WDTC1: variants seen among roughly 807,000 people sequenced by gnomAD.
WDTC1 encodes WD and tetratricopeptide repeats protein 1.
WDTC1 carries 12 observed loss-of-function variants against 76.0 expected under a neutral mutation model. That is an observed-to-expected ratio of 0.16 (90% CI 0.10 to 0.26). The LOEUF is 0.26. Ranked by LOEUF, WDTC1 falls within the 10% of genes least tolerant of loss-of-function variation. The pLI, the probability that WDTC1 is intolerant of heterozygous loss-of-function variation, is 1.00. For missense variants in WDTC1, 511 were observed against 908.8 expected, an observed-to-expected ratio of 0.56 and a Z score of 5.63; for synonymous variants, 326 against 350.8, an observed-to-expected ratio of 0.93 and a Z score of 0.79.
At chr1:27,246,400 C>T (rs2011831942) in intron 1 of WDTC1, among the ~76,000 whole-genome samples, 1 of 152,048 alleles carries the variant, frequency 6.6e-6, no homozygotes, top group South Asian at 2.1e-4. Flanking sequence ...TGAATTAGTA[C>T]CTCATTCCTT....
At chr1:27,296,249 A>G in intron 9 of WDTC1, 77 bp from the exon 10 acceptor site, 1 of 1,551,206 alleles carries the variant, frequency 6.4e-7, no homozygotes, top group Non-Finnish European at 8.9e-7. Flanking sequence ...TTCTTGAGAA[A>G]CCAAGACCTG....
chr1:27,276,115 C>T (rs916860482), intron 3 of WDTC1, among the ~76,000 whole-genome samples: 2 of 152,186 alleles, frequency 1.3e-5, no homozygotes, highest in Admixed American at 6.5e-5. Context: ...TTCTGTCTAT[C>T]CATTCATCAG....
At chr1:27,265,167 T>C (rs533249767) in intron 3 of WDTC1, among the ~76,000 whole-genome samples, 4 of 152,244 alleles carry the variant, frequency 2.6e-5, no homozygotes, top group African/African-American at 7.2e-5. Flanking sequence ...AAGAAAGATA[T>C]ACACAGTTAC....
chr1:27,296,880 C>A (rs1209276273), intron 10 of WDTC1, among the ~76,000 whole-genome samples, 168 bp from the exon 11 acceptor site: 2 of 151,872 alleles, frequency 1.3e-5, no homozygotes, highest in African/African-American at 4.8e-5. Flanking sequence ...AGAGGGCGCA[C>A]GGGCTTTTCT....
rs2147987294 is a variant in WDTC1, at chr1:27,297,866, A to G, written c.1059-72A>G. The G allele has an allele frequency of 2.0e-6, 3 of 1,477,168 alleles. No homozygotes were observed. In the South Asian group the frequency reaches 4.2e-5, roughly 21 times the overall value. 91.5% of individuals were successfully genotyped at this position (1,477,168 alleles called of 1,614,324 possible). A position where few individuals can be genotyped will look rare whatever the true frequency, so the allele number is the denominator to read the frequency against. ...AGAAAATCTGGGTGGCCCTCAGGCC[A>G]TGTTACAGACTCCCTGAGGGGCTGC... On this transcript the variant is annotated intron_variant, in intron 11 of 15. Transcript: ENST00000319394.
intron 1 of WDTC1, among the ~76,000 whole-genome samples, chr1:27,260,733 T>G (rs532693806): frequency 6.6e-6 from 1 of 152,348 alleles, no homozygotes; most frequent in East Asian, 1.9e-4. Flanking sequence ...ATAACATATT[T>G]CTTCCGTGTT....
chr1:27,278,371 G>A (rs148567087), intron 3 of WDTC1, among the ~76,000 whole-genome samples: 11 of 152,312 alleles, frequency 7.2e-5, no homozygotes, highest in African/African-American at 2.4e-4. Context: ...GTAAACTCAT[G>A]CTTTGAAGTA....
chr1:27,279,850 G>C (rs1337755744), intron 3 of WDTC1, among the ~76,000 whole-genome samples: 1 of 152,182 alleles, frequency 6.6e-6, no homozygotes, highest in Non-Finnish European at 1.5e-5. Flanking sequence ...ACTGGTGTGA[G>C]CCACCATGCC....
intron 3 of WDTC1, among the ~76,000 whole-genome samples, chr1:27,276,591 G>T (rs1270445521): frequency 6.6e-6 from 1 of 151,872 alleles, no homozygotes; most frequent in Non-Finnish European, 1.5e-5. Flanking sequence ...TACTTGGGAG[G>T]CTGAGGCAGG....
intron 1 of WDTC1, among the ~76,000 whole-genome samples, chr1:27,242,786 G>A (rs970442672): frequency 6.6e-6 from 1 of 152,136 alleles, no homozygotes; most frequent in Non-Finnish European, 1.5e-5. Flanking sequence ...TCTCTTAAAA[G>A]CTCAAACAGC....
Position 27,234,842 on chromosome 1 carries a change from C to G in WDTC1, c.-209C>G. The G allele has an allele frequency of 2.5e-6, 1 of 396,896 alleles. No homozygotes were observed. Among genetic ancestry groups the G allele is most frequent in the Non-Finnish European group, 4.4e-6 (1 of 224,952 alleles). The allele number at this position is 396,896 out of a possible 1,614,324, so 24.6% of individuals were successfully genotyped here. ...GGCTAGAACTGCTCGAGCCCCCCAG[C>G]CCCCTCCCCGGGATCCGCGCCCCCC... On this transcript the variant is annotated 5_prime_UTR_variant, in exon 1 of 16. Coordinates refer to ENST00000319394, the MANE Select transcript of WDTC1 (RefSeq NM_001276252.2).
At chr1:27,290,238 T>C (rs1210572611) in intron 6 of WDTC1, among the ~76,000 whole-genome samples, 1 of 151,984 alleles carries the variant, frequency 6.6e-6, no homozygotes, top group Non-Finnish European at 1.5e-5. Flanking sequence ...CGCTCCACCA[T>C]GCTTGGCTAA....
intron 3 of WDTC1, among the ~76,000 whole-genome samples, chr1:27,268,993 G>A (rs906683955): frequency 1.2e-4 from 18 of 149,922 alleles, no homozygotes; most frequent in African/African-American, 4.2e-4. Flanking sequence ...GGGATTACAG[G>A]TGTGAGCCAC....
At chr1:27,241,968 T>C (rs1159276423) in intron 1 of WDTC1, among the ~76,000 whole-genome samples, 1 of 151,756 alleles carries the variant, frequency 6.6e-6, no homozygotes, top group African/African-American at 2.4e-5. Flanking sequence ...CTTGGCTCAC[T>C]GCAGCCTCAG....
rs753700330 is a variant in WDTC1, at chr1:27,307,209, G to A, written c.*826G>A. On this transcript the variant is annotated 3_prime_UTR_variant, in exon 16 of 16. Coordinates refer to ENST00000319394, the MANE Select transcript of WDTC1 (RefSeq NM_001276252.2). The surrounding 1 kb of genome is among the most constrained non-coding windows in gnomAD (Gnocchi z 4.1). ...TCCCAGCCAGGCCTACTCTGCTGAG[G>A]TGGCGCTTCCTGCTAAGGGCCCTTC... The A allele has an allele frequency of 1.1e-4, 17 of 152,918 alleles. No homozygotes were observed. Among genetic ancestry groups the A allele is most frequent in the Admixed American group, 2.6e-4 (4 of 15,284 alleles). The allele number at this position is 152,918 out of a possible 1,614,324, so 9.5% of individuals were successfully genotyped here.
chr1:27,253,228 T>G (rs2012142737), intron 1 of WDTC1, among the ~76,000 whole-genome samples: 2 of 152,046 alleles, frequency 1.3e-5, no homozygotes, highest in African/African-American at 4.8e-5. Context: ...CAGGATGGTC[T>G]TGATCTCCTG....
chr1:27,257,942 C>T (rs1195847182), intron 1 of WDTC1, among the ~76,000 whole-genome samples: 3 of 152,088 alleles, frequency 2.0e-5, no homozygotes, highest in Non-Finnish European at 4.4e-5. Flanking sequence ...AGGCGTGTGC[C>T]ACCACACCTG....
chr1:27,302,423 G>T (rs1230273035), intron 13 of WDTC1, among the ~76,000 whole-genome samples: 1 of 152,088 alleles, frequency 6.6e-6, no homozygotes, highest in East Asian at 1.9e-4. Context: ...TCCAAAGGAA[G>T]CATTAACTAG....
intron 3 of WDTC1, among the ~76,000 whole-genome samples, chr1:27,275,446 C>T (rs925380849): frequency 6.6e-6 from 1 of 151,904 alleles, no homozygotes; most frequent in African/African-American, 2.4e-5. Context: ...GGTGAAACCC[C>T]TTCTCTACTA....
Sources: allele counts gnomAD v4.1 joint callset (sites outside exome capture counted in the v4.1 genomes callset), GRCh38; gene constraint gnomAD v4.1.1; non-coding constraint Gnocchi (gnomAD v3.1); transcripts MANE v1.5; gene names NCBI Gene and HGNC (gene_info 2026-07-23, HGNC 2026-07-21).